The following RETREG1 variants were observed in gnomAD, a reference collection of about 807,000 sequenced individuals.
The protein encoded by RETREG1 is reticulophagy regulator 1.
A neutral mutation model predicts 54.8 loss-of-function variants in RETREG1; 44 were observed. That is an observed-to-expected ratio of 0.80 (90% CI 0.63 to 1.03). RETREG1 has a LOEUF of 1.03. Among genes scored for constraint, RETREG1 ranks in the 50% least tolerant of loss-of-function variants. The pLI is 0.00. For synonymous variants in RETREG1, 217 were observed against 238.5 expected, an observed-to-expected ratio of 0.91 and a Z score of 0.83; for missense variants, 554 against 605.1, an observed-to-expected ratio of 0.92 and a Z score of 0.89.
At chr5:16,565,585 C>G (rs1360709492) in intron 3 of RETREG1, among the ~76,000 whole-genome samples, 178 bp downstream of exon 3, 1 of 152,112 alleles carries the variant, frequency 6.6e-6, no homozygotes, top group Non-Finnish European at 1.5e-5. Context: ...AGAATGAGTC[C>G]CAACTTCATC....
chr5:16,566,527 G>A (rs1365704055), intron 2 of RETREG1, among the ~76,000 whole-genome samples: 5 of 152,262 alleles, frequency 3.3e-5, no homozygotes, highest in South Asian at 2.1e-4. Context: ...GGAAGCTTCC[G>A]CATTTTCCAT....
chr5:16,605,280 G>A (rs1743154510), intron 1 of RETREG1, among the ~76,000 whole-genome samples: 1 of 152,130 alleles, frequency 6.6e-6, no homozygotes, highest in Non-Finnish European at 1.5e-5. Context: ...TTGCCACTTA[G>A]ACTACAGGTA....
At chr5:16,508,708 C>T (rs1401045967) in intron 3 of RETREG1, 28 of 1,591,248 alleles carry the variant, frequency 1.8e-5, no homozygotes, top group Non-Finnish European at 2.2e-5. Flanking sequence ...TACTCTAATG[C>T]TGAATATCAG....
At chr5:16,504,182 G>A (rs937167316) in intron 3 of RETREG1, among the ~76,000 whole-genome samples, 2 of 152,070 alleles carry the variant, frequency 1.3e-5, no homozygotes, top group Non-Finnish European at 1.5e-5. Flanking sequence ...GCATTAGTTC[G>A]CCGAGGATAA....
chr5:16,563,946 A>G (rs142492518), intron 3 of RETREG1, among the ~76,000 whole-genome samples: 5 of 152,208 alleles, frequency 3.3e-5, no homozygotes, highest in Non-Finnish European at 7.3e-5. Context: ...CATTGACAAT[A>G]TATCTTAAAT....
rs34651832 is a variant in RETREG1 at position 16,573,742 on chromosome 5, G to GT, written c.321-1641dup. On this transcript the variant is annotated intron_variant, in intron 1 of 8. Transcript: ENST00000306320. ...GGTTTTTTGGGTTTGTTTGTTTTTT[G>GT]TTTTTTTTTTTTTTTTTTTGAGATG... Among the ~76,000 whole-genome samples, 931 of 126,506 alleles carry GT rather than the reference G, an allele frequency of 7.4e-3. 9 individuals carry two copies. Among genetic ancestry groups the GT allele is most frequent in the African/African-American group, 0.02 (668 of 34,200 alleles). 83.0% of individuals were successfully genotyped at this position (126,506 alleles called of 152,430 possible). A position where few individuals can be genotyped will look rare whatever the true frequency, so the allele number is the denominator to read the frequency against.
rs377216204 is a variant in RETREG1, at chr5:16,528,306, A to G, written c.458+37457T>C. ...TTACATATATTAACATAACTAAATT[A>G]ACAGTGATTTTACAGAGATTACAAT... On this transcript the variant is annotated intron_variant, in intron 3 of 8. Transcript: ENST00000306320. 2.6e-5 allele frequency among the ~76,000 whole-genome samples: 4 copies of G among 152,212 alleles called. No individual in the cohort carries two copies. The South Asian group carries it at 8.3e-4, about 32-fold the overall frequency.
chr5:16,560,877 G>A (rs1208284454), intron 3 of RETREG1, among the ~76,000 whole-genome samples: 1 of 152,174 alleles, frequency 6.6e-6, no homozygotes, highest in Non-Finnish European at 1.5e-5. Flanking sequence ...GAATAAGTAT[G>A]TAACTTCACA....
At chr5:16,562,847 T>TG (rs1271817441) in intron 3 of RETREG1, among the ~76,000 whole-genome samples, 2 of 152,096 alleles carry the variant, frequency 1.3e-5, no homozygotes, top group Non-Finnish European at 2.9e-5. Flanking sequence ...GGATCCTAGA[T>TG]GGGATCCTGA....
At position 16,585,321 on chromosome 5, in the gene RETREG1, G is replaced by A. The variant is rs200972618; in HGVS notation, c.321-13219C>T. Among the ~76,000 whole-genome samples, 6 of 152,298 alleles carry A rather than the reference G, an allele frequency of 3.9e-5. No homozygotes were observed. The East Asian group carries it at 7.7e-4, about 20-fold the overall frequency. On this transcript the variant is annotated intron_variant, in intron 1 of 8. Transcript: ENST00000306320. This position sits in a 1 kb window ranked among gnomAD's most constrained non-coding sequence, Gnocchi z 4.5. ...TTGCGTTCTTGTGCCTAAAGAGTAG[G>A]AGAAACCAAGGGCATGGCTAGGATG...
At chr5:16,478,813 T>A in intron 6 of RETREG1, 37 bp downstream of exon 6, 1 of 1,596,038 alleles carries the variant, frequency 6.3e-7, no homozygotes, top group Non-Finnish European at 8.6e-7. Context: ...TAATGTCTCA[T>A]TTCATGCATA....
chr5:16,516,591 G>A (rs1449890640), intron 3 of RETREG1, among the ~76,000 whole-genome samples: 1 of 152,180 alleles, frequency 6.6e-6, no homozygotes, highest in Non-Finnish European at 1.5e-5. Context: ...GAATTGCGGG[G>A]TAAATTATCA....
chr5:16,524,403 C>T (rs1740634049), intron 3 of RETREG1, among the ~76,000 whole-genome samples: 1 of 152,152 alleles, frequency 6.6e-6, no homozygotes, highest in South Asian at 2.1e-4. Flanking sequence ...TGCCACTAGT[C>T]CTTACCTTTC....
At chr5:16,506,802 T>C (rs1284986730) in intron 3 of RETREG1, among the ~76,000 whole-genome samples, 1 of 152,152 alleles carries the variant, frequency 6.6e-6, no homozygotes, top group African/African-American at 2.4e-5. Flanking sequence ...GTATACTGCA[T>C]AGAAAACCAC....
At chr5:16,581,558 C>A (rs961575594) in intron 1 of RETREG1, among the ~76,000 whole-genome samples, 1 of 137,052 alleles carries the variant, frequency 7.3e-6, no homozygotes, top group Non-Finnish European at 1.6e-5. Flanking sequence ...CACACACACA[C>A]ACACACAAAA....
chr5:16,525,317 A>G (rs980144695), intron 3 of RETREG1, among the ~76,000 whole-genome samples: 45 of 86,672 alleles, frequency 5.2e-4, no homozygotes, highest in Admixed American at 1.5e-3. Flanking sequence ...TCCAGCCCCA[A>G]CAGGTGGATG....
chr5:16,611,885 T>TGA (rs1445209005), intron 1 of RETREG1, among the ~76,000 whole-genome samples: 1 of 152,014 alleles, frequency 6.6e-6, no homozygotes, highest in Non-Finnish European at 1.5e-5. Flanking sequence ...ACCAATATGG[T>TGA]GAAACCCTGT....
chr5:16,476,055 T>A (rs1206837525), intron 8 of RETREG1, among the ~76,000 whole-genome samples: 1 of 152,302 alleles, frequency 6.6e-6, no homozygotes, highest in African/African-American at 2.4e-5. Flanking sequence ...TTCTTGTTCT[T>A]TAAAATATGA....
At chr5:16,555,479 A>C (rs1454910793) in intron 3 of RETREG1, among the ~76,000 whole-genome samples, 1 of 152,210 alleles carries the variant, frequency 6.6e-6, no homozygotes, top group African/African-American at 2.4e-5. Context: ...CCTTTCACAA[A>C]TGCTGAGAAG....
Sources: gnomAD v4.1 joint callset for allele counts (sites outside exome capture counted in the v4.1 genomes callset) on GRCh38, gnomAD v4.1.1 for gene constraint, Gnocchi (gnomAD v3.1) non-coding constraint, MANE v1.5 for transcripts, NCBI Gene and HGNC (gene_info 2026-07-23, HGNC 2026-07-21) for gene names.